PKP4: variants seen among roughly 807,000 people sequenced by gnomAD.
PKP4 encodes plakophilin-4.
In PKP4, 90 loss-of-function variants were observed where a neutral mutation model predicts 145.1. The ratio of observed to expected loss-of-function variants is 0.62; its 90% CI spans 0.52 to 0.74. The LOEUF (loss-of-function observed/expected upper bound fraction) is 0.74. PKP4 is among the 30% of genes least tolerant of loss of function. The probability of loss-of-function intolerance (pLI) is 0.00; values close to 1 mark genes in which losing one functional copy is unlikely to be tolerated. For missense variants in PKP4, 1,340 were observed against 1,482.7 expected (o/e 0.90, Z 1.58); for synonymous variants, 563 against 577.2 (o/e 0.98, Z 0.35).
intron 2 of PKP4, among the ~76,000 whole-genome samples, chr2:158,554,752 A>C (rs915752489): frequency 6.6e-6 from 1 of 152,162 alleles, no homozygotes; most frequent in African/African-American, 2.4e-5. Context: ...AAAAATTGCT[A>C]TCCATTGGTC....
chr2:158,518,980 T>C (rs1171690353), intron 1 of PKP4, among the ~76,000 whole-genome samples: 1 of 152,204 alleles, frequency 6.6e-6, no homozygotes, highest in Non-Finnish European at 1.5e-5. Context: ...TATTCACTTA[T>C]TGTCTCATTT....
chr2:158,511,448 TGTGATTTTG>T (rs909694100), intron 1 of PKP4, among the ~76,000 whole-genome samples: 10 of 152,130 alleles, frequency 6.6e-5, no homozygotes, highest in African/African-American at 2.4e-4. Context: ...GTATCAAAAG[TGTGATTTTG>T]GTTAAACAAT....
rs2056160370 is a variant in PKP4, at chr2:158,657,982, A to G, written c.1910-149A>G. 12 of 596,670 alleles carry G rather than the reference A, an allele frequency of 2.0e-5. No individual in the cohort carries two copies. The East Asian group carries it at 3.5e-4, about 17-fold the overall frequency. 37.0% of individuals were successfully genotyped at this position (596,670 alleles called of 1,614,324 possible). On this transcript the variant is annotated intron_variant, in intron 11 of 21. Coordinates refer to ENST00000389759, the MANE Select transcript of PKP4 (RefSeq NM_003628.6). Reference sequence around the variant, plus strand: ...CTCATACCTTCACTCAAAACTCATTAGAGGTCTATTCCCACCCTGGTTGCA... The same window carrying G: ...CTCATACCTTCACTCAAAACTCATTGGAGGTCTATTCCCACCCTGGTTGCA...
intron 2 of PKP4, among the ~76,000 whole-genome samples, chr2:158,547,177 A>T (rs2045145942): frequency 2.6e-5 from 4 of 152,200 alleles, no homozygotes; most frequent in Admixed American, 2.6e-4. Flanking sequence ...CTCCTGGGTC[A>T]CACCTAAGAA....
At chr2:158,603,638 T>C (rs1476672) in intron 4 of PKP4, among the ~76,000 whole-genome samples, 112,384 of 151,984 alleles carry the variant, frequency 0.74, 42,335 homozygotes, top group East Asian at 0.92. Flanking sequence ...GTCACTTACA[T>C]AAATCGTTGA....
In PKP4 at chr2:158,631,929, C is replaced by A; in HGVS notation, c.1330C>A (p.Arg444Ser). The A allele has an allele frequency of 6.2e-7, 1 of 1,613,572 alleles. No individual in the cohort carries two copies. The highest frequency in any genetic ancestry group is 8.5e-7 in the Non-Finnish European group (1 of 1,179,946). Residue 444 changes from arginine to serine, a missense_variant, in exon 8 of 22, where the codon CGC becomes AGC. Transcript: ENST00000389759. ...ELQGSQTALYRTGSVGIGNLQ... is the reference protein window; with the variant it reads ...ELQGSQTALYSTGSVGIGNLQ... Reference sequence around the variant, plus strand: ...CCAAGGATCGCAGACGGCGTTGTATCGCACAGGTTCAGGTGGGCATCAACT... The same window carrying A: ...CCAAGGATCGCAGACGGCGTTGTATAGCACAGGTTCAGGTGGGCATCAACT...
chr2:158,664,385 G>C (rs1449140604), intron 15 of PKP4, among the ~76,000 whole-genome samples: 1 of 152,170 alleles, frequency 6.6e-6, no homozygotes, highest in African/African-American at 2.4e-5. Flanking sequence ...ACCACTGTAA[G>C]CAAGTTCTCA....
intron 10 of PKP4, among the ~76,000 whole-genome samples, chr2:158,641,916 G>A (rs1249145612): frequency 3.3e-5 from 5 of 152,244 alleles, no homozygotes; most frequent in Non-Finnish European, 1.5e-5. Context: ...GAGGAGGACT[G>A]TGCTGCCTGC....
In PKP4 at chr2:158,469,315, C is replaced by T. The variant is rs1045581061; in HGVS notation, c.-6+12097C>T. On this transcript the variant is annotated intron_variant, in intron 1 of 21. Transcript: ENST00000389759. ...ATGTTGGTCAGGCTGGTCTCGAACT[C>T]CTGACCTCAGGTGATCTGCCTGCTT... is the stretch of plus-strand genomic sequence containing the variant. Among the ~76,000 whole-genome samples the T allele has an allele frequency of 5.9e-5, 9 of 152,068 alleles. No individual in the cohort carries two copies. The East Asian group carries it at 1.5e-3, about 26-fold the overall frequency.
chr2:158,679,512 TATA>T (rs1185694304), intron 21 of PKP4: 2 of 152,222 alleles, frequency 1.3e-5, no homozygotes, highest in Admixed American at 6.5e-5. Flanking sequence ...CTGAAATCCT[TATA>T]ATGTTAGAAT....
chr2:158,531,599 A>G (rs1324400489), intron 1 of PKP4, among the ~76,000 whole-genome samples: 1 of 152,226 alleles, frequency 6.6e-6, no homozygotes, highest in Non-Finnish European at 1.5e-5. Context: ...CTCAATAAGC[A>G]TTCCACATAC....
intron 2 of PKP4, among the ~76,000 whole-genome samples, chr2:158,576,695 CTCCTT>C (rs528803816): frequency 2.0e-5 from 3 of 152,158 alleles, no homozygotes; most frequent in Admixed American, 6.6e-5. Flanking sequence ...TGTTCCTTCT[CTCCTT>C]TGCACAGTGG....
At chr2:158,505,804 A>G (rs1393057654) in intron 1 of PKP4, among the ~76,000 whole-genome samples, 28 of 152,072 alleles carry the variant, frequency 1.8e-4, no homozygotes, top group South Asian at 4.1e-4. Flanking sequence ...GCAAGTGTAG[A>G]GGTAGTTGCA....
intron 1 of PKP4, among the ~76,000 whole-genome samples, chr2:158,512,021 G>A (rs1191061478): frequency 6.6e-6 from 1 of 152,132 alleles, no homozygotes; most frequent in African/African-American, 2.4e-5. Flanking sequence ...AGTATTTCTG[G>A]TTGCTTAGAG....
intron 3 of PKP4, among the ~76,000 whole-genome samples, chr2:158,595,404 G>C (rs2049638809): frequency 6.6e-6 from 1 of 152,100 alleles, no homozygotes; most frequent in Non-Finnish European, 1.5e-5. Context: ...GTGAATGCCT[G>C]GTCTTAATAA....
intron 1 of PKP4, among the ~76,000 whole-genome samples, chr2:158,484,658 AGAT>A (rs1241211939): frequency 1.3e-5 from 2 of 152,240 alleles, no homozygotes; most frequent in Non-Finnish European, 2.9e-5. Context: ...TCTGTGATAA[AGAT>A]GATGACAATC....
chr2:158,491,900 G>T (rs1990814), intron 1 of PKP4, among the ~76,000 whole-genome samples: 29,911 of 152,008 alleles, frequency 0.2, 3,790 homozygotes, highest in Middle Eastern at 0.34. Context: ...GGCTCAAGCA[G>T]CCCCTCATGT....
At chr2:158,666,624 C>T in intron 16 of PKP4, 61 bp downstream of exon 16, 2 of 1,391,324 alleles carry the variant, frequency 1.4e-6, no homozygotes, top group African/African-American at 1.5e-5. Context: ...TCATGAAACT[C>T]TTCTTTTGAT....
chr2:158,515,447 C>A (rs1329850637), intron 1 of PKP4, among the ~76,000 whole-genome samples: 1 of 151,806 alleles, frequency 6.6e-6, no homozygotes, highest in Non-Finnish European at 1.5e-5. Flanking sequence ...ATAGCAAGAT[C>A]CTATCTCTTG....
Sources: allele counts gnomAD v4.1 joint callset (sites outside exome capture counted in the v4.1 genomes callset), GRCh38; gene constraint gnomAD v4.1.1; transcripts MANE v1.5; gene names NCBI Gene and HGNC (gene_info 2026-07-23, HGNC 2026-07-21).